ADK: variants seen among roughly 807,000 people sequenced by gnomAD.
ADK encodes the protein adenosine kinase.
ADK carries 24 observed loss-of-function variants against 44.7 expected under a neutral mutation model. The observed-to-expected ratio is 0.54, with a 90% CI of 0.39 to 0.76. The LOEUF is 0.76. Ranked by LOEUF, ADK falls within the 30% of genes least tolerant of loss-of-function variation. ADK has a pLI of 0.00. For missense variants in ADK, 321 were observed against 425.1 expected (o/e 0.76, Z 2.15); for synonymous variants, 128 against 142.6 (o/e 0.90, Z 0.73).
chr10:74,471,096 A>G (rs979753512), intron 6 of ADK, among the ~76,000 whole-genome samples: 2 of 143,562 alleles, frequency 1.4e-5, no homozygotes, highest in African/African-American at 5.4e-5. Context: ...TTTTTTTGAG[A>G]TAGATTCTCA....
intron 4 of ADK, among the ~76,000 whole-genome samples, chr10:74,331,139 G>A (rs1841203566): frequency 6.6e-6 from 1 of 152,028 alleles, no homozygotes. Context: ...CACCCGTATT[G>A]TAACCAGTAT....
intron 9 of ADK, among the ~76,000 whole-genome samples, chr10:74,604,559 G>A (rs561710766): frequency 4.6e-5 from 7 of 152,154 alleles, no homozygotes; most frequent in South Asian, 4.1e-4. Flanking sequence ...AGATCAGATC[G>A]TTGTAGATGT....
At chr10:74,298,743 C>CA (rs906542544) in intron 3 of ADK, among the ~76,000 whole-genome samples, 4 of 142,370 alleles carry the variant, frequency 2.8e-5, no homozygotes, top group African/African-American at 1.0e-4. Flanking sequence ...CTATCTCTAC[C>CA]AAAAAAACCC....
chr10:74,174,199 T>C (rs1343620599), intron 1 of ADK, among the ~76,000 whole-genome samples: 5 of 148,784 alleles, frequency 3.4e-5, no homozygotes. Context: ...TCCCAGCTAC[T>C]CGGGAGGCTG....
At position 74,682,238 on chromosome 10, in the gene ADK, G is replaced by C. The variant is rs564940272; in HGVS notation, c.964+11969G>C. Among the ~76,000 whole-genome samples the C allele has an allele frequency of 3.9e-5, 6 of 152,296 alleles. 1 individual carries two copies. In the South Asian group the frequency reaches 1.2e-3, roughly 32 times the overall value. ...CCGAAATTAAGATCATTTTTAAATT[G>C]ATGGGCTTTTGGTTTTGTTTTTAAT... On this transcript the variant is annotated intron_variant, in intron 10 of 10. Transcript: ENST00000539909.
At chr10:74,195,442 C>T (rs1843093687) in intron 1 of ADK, among the ~76,000 whole-genome samples, 4 of 142,904 alleles carry the variant, frequency 2.8e-5, no homozygotes, top group African/African-American at 1.2e-4. Context: ...ATCTTTTTTA[C>T]TTAACTTACT....
chr10:74,425,854 A>G (rs923193624), intron 6 of ADK, among the ~76,000 whole-genome samples: 10 of 152,132 alleles, frequency 6.6e-5, no homozygotes, highest in African/African-American at 2.4e-4. Context: ...TTAACCCAGC[A>G]TTTGTTGTTG....
intron 3 of ADK, among the ~76,000 whole-genome samples, chr10:74,283,698 T>G (rs1408092209): frequency 1.3e-5 from 2 of 148,396 alleles, no homozygotes; most frequent in African/African-American, 5.0e-5. Context: ...TTTTTTTTTT[T>G]TTGAGACAGA....
chr10:74,418,818 A>G (rs1844461638), intron 6 of ADK, among the ~76,000 whole-genome samples: 1 of 152,164 alleles, frequency 6.6e-6, no homozygotes, highest in Non-Finnish European at 1.5e-5. Context: ...GAATTAACCT[A>G]TTGTAGAACA....
chr10:74,510,827 C>T (rs990307540), intron 6 of ADK, among the ~76,000 whole-genome samples: 24 of 152,176 alleles, frequency 1.6e-4, no homozygotes, highest in African/African-American at 5.8e-4. Flanking sequence ...CCCGCCTCAG[C>T]CAGCTGAGTA....
intron 4 of ADK, among the ~76,000 whole-genome samples, chr10:74,345,515 C>A (rs1183477411): frequency 6.6e-6 from 1 of 152,076 alleles, no homozygotes; most frequent in Admixed American, 6.6e-5. Context: ...ACTGTATTGT[C>A]CAGGCTGGTC....
intron 9 of ADK, among the ~76,000 whole-genome samples, chr10:74,611,230 C>T (rs887127778): frequency 1.3e-5 from 2 of 152,134 alleles, no homozygotes; most frequent in African/African-American, 2.4e-5. Context: ...TGGATTTTGC[C>T]ATATTGCCCA....
intron 10 of ADK, among the ~76,000 whole-genome samples, chr10:74,675,933 C>T (rs1427831986): frequency 1.3e-5 from 2 of 151,654 alleles, no homozygotes; most frequent in Admixed American, 6.6e-5. Flanking sequence ...ACCTACAAAT[C>T]ATCTTTAGAC....
chr10:74,632,620 A>G (rs1260097026), intron 9 of ADK, among the ~76,000 whole-genome samples: 1 of 151,710 alleles, frequency 6.6e-6, no homozygotes, highest in East Asian at 1.9e-4. Flanking sequence ...CACTCCTTTT[A>G]TTTTAAAGAC....
At chr10:74,162,465 G>T (rs1315901227) in intron 1 of ADK, among the ~76,000 whole-genome samples, 3 of 152,050 alleles carry the variant, frequency 2.0e-5, no homozygotes, top group Non-Finnish European at 4.4e-5. Context: ...GTGAGCTTGT[G>T]TGCAAAATCA....
intron 9 of ADK, among the ~76,000 whole-genome samples, chr10:74,604,522 T>C (rs1017852150): frequency 2.6e-5 from 4 of 152,200 alleles, no homozygotes; most frequent in Non-Finnish European, 5.9e-5. Context: ...TTTTCCCCCA[T>C]TGCTTGTTTT....
intron 9 of ADK, among the ~76,000 whole-genome samples, chr10:74,645,533 C>T (rs902967548): frequency 1.3e-5 from 2 of 152,114 alleles, no homozygotes. Flanking sequence ...ATACCTGTGT[C>T]AAAAAGCTGC....
chr10:74,203,313 T>A (rs1843465470), intron 2 of ADK, among the ~76,000 whole-genome samples: 1 of 152,172 alleles, frequency 6.6e-6, no homozygotes, highest in Admixed American at 6.5e-5. Context: ...CATATGTCTG[T>A]CCTTATGCCA....
intron 4 of ADK, among the ~76,000 whole-genome samples, chr10:74,321,677 CTTCCAGTAAA>C (rs1840813444): frequency 6.6e-6 from 1 of 152,128 alleles, no homozygotes. Context: ...TTGTATTTAA[CTTCCAGTAAA>C]ATTTTAACCA....
Sources: gnomAD v4.1 joint callset for allele counts (sites outside exome capture counted in the v4.1 genomes callset) on GRCh38, gnomAD v4.1.1 for gene constraint, MANE v1.5 for transcripts, NCBI Gene and HGNC (gene_info 2026-07-23, HGNC 2026-07-21) for gene names.